ANKH: variants seen among roughly 807,000 people sequenced by gnomAD.
The protein encoded by ANKH is mineralization regulator ANKH.
Under a neutral mutation model 49.0 loss-of-function variants are expected in ANKH, and 15 were observed. The ratio of observed to expected loss-of-function variants is 0.31; its 90% CI spans 0.20 to 0.47. ANKH has a LOEUF of 0.47. Ranked by LOEUF, ANKH falls within the 20% of genes least tolerant of loss-of-function variation. The pLI is 1.00. For missense variants in ANKH, 429 were observed against 652.0 expected (o/e 0.66, Z 3.72); for synonymous variants, 273 against 260.0 (o/e 1.05, Z -0.48).
intron 3 of ANKH, among the ~76,000 whole-genome samples, chr5:14,758,100 G>A (rs138758366): frequency 1.3e-5 from 2 of 152,334 alleles, no homozygotes; most frequent in African/African-American, 4.8e-5. Flanking sequence ...GCCTTAAAAA[G>A]GAAGGAAATT....
At chr5:14,793,064 T>G (rs1463561249) in intron 1 of ANKH, among the ~76,000 whole-genome samples, 1 of 26,576 alleles carries the variant, frequency 3.8e-5, no homozygotes, top group Non-Finnish European at 7.6e-5. Context: ...ATATAAAATA[T>G]ATATAAATAT....
chr5:14,820,031 A>C (rs954281032), intron 1 of ANKH, among the ~76,000 whole-genome samples: 3 of 152,146 alleles, frequency 2.0e-5, no homozygotes, highest in African/African-American at 7.2e-5. Flanking sequence ...ACTATGGTGT[A>C]AATTAAGATC....
At chr5:14,791,130 C>A (rs1412868829) in intron 1 of ANKH, among the ~76,000 whole-genome samples, 1 of 152,126 alleles carries the variant, frequency 6.6e-6, no homozygotes, top group African/African-American at 2.4e-5. Flanking sequence ...GCCTCTAAAC[C>A]CAGCCACGTA....
chr5:14,775,867 G>A (rs1380997205), intron 1 of ANKH, among the ~76,000 whole-genome samples: 14 of 152,312 alleles, frequency 9.2e-5, no homozygotes, highest in Non-Finnish European at 2.1e-4. Flanking sequence ...GGCTGCCACT[G>A]GCCTTTGTGA....
chr5:14,755,103 T>C (rs891019670), intron 4 of ANKH, among the ~76,000 whole-genome samples: 4 of 151,736 alleles, frequency 2.6e-5, no homozygotes, highest in Non-Finnish European at 5.9e-5. Flanking sequence ...GAAAGGCATT[T>C]AGAGATATAG....
At chr5:14,822,697 C>G (rs537806087) in intron 1 of ANKH, among the ~76,000 whole-genome samples, 1 of 152,202 alleles carries the variant, frequency 6.6e-6, no homozygotes, top group East Asian at 1.9e-4. Context: ...CAGAAATACA[C>G]GAAAACCACA....
At chr5:14,836,976 C>A (rs1741674322) in intron 1 of ANKH, among the ~76,000 whole-genome samples, 2 of 152,180 alleles carry the variant, frequency 1.3e-5, no homozygotes, top group Admixed American at 1.3e-4. Context: ...ACATCTACAA[C>A]CATCTGATCT....
chr5:14,806,453 C>G (rs1418513903), intron 1 of ANKH, among the ~76,000 whole-genome samples: 1 of 152,162 alleles, frequency 6.6e-6, no homozygotes, highest in African/African-American at 2.4e-5. Context: ...TGGAGTCCAA[C>G]AGAACCCTCC....
rs138887161 is a variant in ANKH at position 14,803,048 on chromosome 5, C to T, written c.97-33857G>A. ...TTGGCATCTTCCATACCGTGAATTG[C>T]TATCCACAGTGGGTCATGAAATCAG... On this transcript the variant is annotated intron_variant, in intron 1 of 11. Transcript: ENST00000284268. 2.0e-3 allele frequency among the ~76,000 whole-genome samples: 303 copies of T among 152,280 alleles called. 1 individual carries two copies. The highest frequency in any genetic ancestry group is 6.8e-3 in the African/African-American group (284 of 41,564).
At chr5:14,866,162 A>G (rs1188092289) in intron 1 of ANKH, among the ~76,000 whole-genome samples, 2 of 152,124 alleles carry the variant, frequency 1.3e-5, no homozygotes, top group African/African-American at 2.4e-5. Flanking sequence ...GCCTGCCATC[A>G]TGCCCCGCTA....
chr5:14,804,112 T>C (rs1165627545), intron 1 of ANKH, among the ~76,000 whole-genome samples: 4 of 152,116 alleles, frequency 2.6e-5, no homozygotes, highest in African/African-American at 9.7e-5. Context: ...GCCAGGCTGG[T>C]CTCGAACTTC....
intron 2 of ANKH, among the ~76,000 whole-genome samples, chr5:14,763,864 G>A (rs1164829463): frequency 6.6e-6 from 1 of 152,130 alleles, no homozygotes; most frequent in Non-Finnish European, 1.5e-5. Flanking sequence ...CGAGGCGGGT[G>A]GATCACCTGA....
At position 14,847,601 on chromosome 5, in the gene ANKH, G is replaced by GGGCCACGTCAGCTGAATGACAATCT. The variant is rs1742002318; in HGVS notation, c.96+23726_96+23750dup. ...CCTCTGGATTAGTAAAAACTGCATG[G>GGGCCACGTCAGCTGAATGACAATCT]GGCCACGTCAGCTGAATGACAATCT... is the stretch of plus-strand genomic sequence containing the variant. On this transcript the variant is annotated intron_variant, in intron 1 of 11. Coordinates refer to ENST00000284268, the MANE Select transcript of ANKH (RefSeq NM_054027.6). Among the ~76,000 whole-genome samples, 5 of 152,220 alleles carry GGGCCACGTCAGCTGAATGACAATCT rather than the reference G, an allele frequency of 3.3e-5. No homozygotes were observed. In the South Asian group the frequency reaches 1.0e-3, roughly 32 times the overall value.
At chr5:14,735,843 G>A (rs1482670370) in intron 8 of ANKH, among the ~76,000 whole-genome samples, 1 of 151,992 alleles carries the variant, frequency 6.6e-6, no homozygotes, top group African/African-American at 2.4e-5. Flanking sequence ...ACATTCTGAG[G>A]TACTGGGGGT....
chr5:14,716,953 G>T, intron 8 of ANKH, 118 bp from the exon 9 acceptor site: 4 of 1,330,720 alleles, frequency 3.0e-6, no homozygotes, highest in Admixed American at 1.9e-5. Flanking sequence ...GGCCTGACTG[G>T]GTGGTGGGCA....
chr5:14,831,739 A>G (rs996487247), intron 1 of ANKH, among the ~76,000 whole-genome samples: 4 of 152,182 alleles, frequency 2.6e-5, no homozygotes, highest in African/African-American at 4.8e-5. Flanking sequence ...CCTGCAGCAA[A>G]TTTTGAAACA....
intron 11 of ANKH, 30 bp downstream of exon 11, chr5:14,712,830 AGGAGGATGCACCCG>A (rs1221347127): frequency 6.5e-7 from 1 of 1,534,596 alleles, no homozygotes; most frequent in East Asian, 2.4e-5. Context: ...TCCTGCACCC[AGGAGGATGCACCCG>A]GGAGGAGGCT....
At chr5:14,840,144 T>C (rs779050084) in intron 1 of ANKH, among the ~76,000 whole-genome samples, 23 of 152,238 alleles carry the variant, frequency 1.5e-4, no homozygotes, top group Non-Finnish European at 2.6e-4. Flanking sequence ...CTCTCATCCT[T>C]ACCACGCCTC....
intron 1 of ANKH, among the ~76,000 whole-genome samples, chr5:14,796,898 T>C (rs955350142): frequency 2.6e-5 from 4 of 152,196 alleles, no homozygotes; most frequent in African/African-American, 9.7e-5. Flanking sequence ...CCTGGGTTAC[T>C]AGAAAATTCC....
Sources: gnomAD v4.1 joint callset for allele counts (sites outside exome capture counted in the v4.1 genomes callset) on GRCh38, gnomAD v4.1.1 for gene constraint, MANE v1.5 for transcripts, NCBI Gene and HGNC (gene_info 2026-07-23, HGNC 2026-07-21) for gene names.